The following ADAMTS9 variants were observed in gnomAD, a reference collection of about 807,000 sequenced individuals.
The protein encoded by ADAMTS9 is A disintegrin and metalloproteinase with thrombospondin motifs 9.
In ADAMTS9, 107 loss-of-function variants were observed where a neutral mutation model predicts 257.1. The observed-to-expected ratio is 0.42, with a 90% CI of 0.36 to 0.49. The LOEUF is 0.49. ADAMTS9 is among the 20% of genes least tolerant of loss of function. ADAMTS9 has a pLI of 0.03. For synonymous variants in ADAMTS9, 982 were observed against 880.9 expected (o/e 1.11, Z -2.03); for missense variants, 2,353 against 2,469.1 (o/e 0.95, Z 1.00).
intron 30 of ADAMTS9, among the ~76,000 whole-genome samples, chr3:64,560,515 G>A (rs759246460): frequency 6.6e-6 from 1 of 152,166 alleles, no homozygotes; most frequent in Non-Finnish European, 1.5e-5. Context: ...AACAAGCTTA[G>A]CATGAAGTCT....
At chr3:64,678,537 T>C (rs921866582) in intron 3 of ADAMTS9, among the ~76,000 whole-genome samples, 2 of 152,204 alleles carry the variant, frequency 1.3e-5, no homozygotes, top group Non-Finnish European at 2.9e-5. Context: ...GAATCTGCAT[T>C]TGTATGAGGC....
At chr3:64,646,877 C>G (rs775560230) in intron 11 of ADAMTS9, among the ~76,000 whole-genome samples, 4 of 151,998 alleles carry the variant, frequency 2.6e-5, no homozygotes, top group Non-Finnish European at 4.4e-5. Flanking sequence ...ACCAAATGAT[C>G]TGAGTGACTG....
chr3:64,623,228 G>A (rs1700149592), intron 16 of ADAMTS9, among the ~76,000 whole-genome samples: 1 of 152,174 alleles, frequency 6.6e-6, no homozygotes, highest in Admixed American at 6.5e-5. Context: ...CTAGGACAAT[G>A]CAGAAACAAC....
chr3:64,572,341 A>G (rs961040861), intron 28 of ADAMTS9, among the ~76,000 whole-genome samples: 3 of 152,162 alleles, frequency 2.0e-5, no homozygotes, highest in Non-Finnish European at 4.4e-5. Context: ...CTTGCATTTC[A>G]ATTCATCTGG....
At position 64,631,479 on chromosome 3, in the gene ADAMTS9, C is replaced by T; in HGVS notation, c.2365G>A (p.Glu789Lys). The change falls in exon 16 of 40, where the codon GAA becomes AAA. Residue 789 changes from glutamate (E) to lysine (K), a missense_variant. Physicochemically the swap from Glu to Lys is moderately conservative, Grantham distance 56. Coordinates refer to ENST00000498707, the MANE Select transcript of ADAMTS9 (RefSeq NM_182920.2). ...CCTAAGTAGTTGTCATCGTCTGTTTCCCCTGAGAAACTGTGCTGCCGCACA... is the reference window on the plus strand; with the variant it reads ...CCTAAGTAGTTGTCATCGTCTGTTTTCCCTGAGAAACTGTGCTGCCGCACA... ...IDVRQHSFSG[E>K]TDDDNYLALS... is the part of the protein sequence containing the mutation. The T allele has an allele frequency of 6.2e-7, 1 of 1,614,084 alleles. No individual in the cohort carries two copies. Among genetic ancestry groups the T allele is most frequent in the South Asian group, 1.1e-5 (1 of 91,092 alleles).
intron 3 of ADAMTS9, among the ~76,000 whole-genome samples, chr3:64,664,535 C>G (rs1219130412): frequency 6.6e-6 from 1 of 152,096 alleles, no homozygotes; most frequent in Admixed American, 6.5e-5. Context: ...AATATGTGGC[C>G]TTCTGTGACT....
At position 64,649,631 on chromosome 3, in the gene ADAMTS9, A is replaced by G. The variant is rs1309070612; in HGVS notation, c.1605+6T>C. On this transcript the variant is annotated splice_donor_region_variant and intron_variant, in intron 10 of 39. Transcript: ENST00000498707. The stretch of plus-strand genomic sequence containing the variant: ...ATGAGGGCAGAAGTGGCCCTCCTAC[A>G]CTTACCATATATGGGCACACCTGAG... The G allele has an allele frequency of 1.2e-6, 2 of 1,611,344 alleles. No individual in the cohort carries two copies. The highest frequency in any genetic ancestry group is 1.1e-5 in the South Asian group (1 of 90,496).
At position 64,588,210 on chromosome 3, in the gene ADAMTS9, T is replaced by C. The variant is rs561329336; in HGVS notation, c.4356+6048A>G. 7.2e-5 allele frequency: 11 copies of C among 152,274 alleles called. No homozygotes were observed. The East Asian group carries it at 2.1e-3, about 29-fold the overall frequency. The allele number at this position is 152,274 out of a possible 1,614,324, so 9.4% of individuals were successfully genotyped here. ...TGAAGGTACCTACCCTAATAGCAAG[T>C]TGTATTTTTATTTTTATGGTGGTGG... On this transcript the variant is annotated intron_variant, in intron 28 of 39. Transcript: ENST00000498707.
Position 64,655,620 on chromosome 3 carries a change from G to T in ADAMTS9, c.1125C>A (p.Asn375Lys), listed in dbSNP as rs746618862. Reference sequence around the variant, plus strand: ...TATCATGATGGATTCCACCTGGACTGTTCTTCGAATGCTGCCACTGGCAAA... The same window carrying T: ...TATCATGATGGATTCCACCTGGACTTTTCTTCGAATGCTGCCACTGGCAAA... ...KNFCQWQHSKNSPGGIHHDTA... is the reference protein window; with the variant it reads ...KNFCQWQHSKKSPGGIHHDTA... Residue 375 changes from asparagine to lysine, a missense_variant, in exon 6 of 40, where the codon AAC becomes AAA. Around this residue, in one of 3 missense-constraint regions of ADAMTS9, gnomAD observed 591 missense variants for 569.6 expected, o/e 1.04. Coordinates refer to ENST00000498707, the MANE Select transcript of ADAMTS9 (RefSeq NM_182920.2). The T allele has an allele frequency of 1.9e-6, 3 of 1,614,154 alleles. No homozygotes were observed. Among genetic ancestry groups the T allele is most frequent in the Non-Finnish European group, 1.7e-6 (2 of 1,180,010 alleles).
At chr3:64,659,675 G>T (rs1701178786) in intron 3 of ADAMTS9, among the ~76,000 whole-genome samples, 2 of 152,014 alleles carry the variant, frequency 1.3e-5, no homozygotes, top group African/African-American at 4.8e-5. Flanking sequence ...CAATGTCTCT[G>T]AATTTTTAAT....
intron 30 of ADAMTS9, among the ~76,000 whole-genome samples, chr3:64,557,811 C>T (rs757922992): frequency 6.6e-6 from 1 of 152,204 alleles, no homozygotes; most frequent in Non-Finnish European, 1.5e-5. Flanking sequence ...TTGCCTACAA[C>T]ATGTTGTTTC....
intron 3 of ADAMTS9, among the ~76,000 whole-genome samples, chr3:64,660,783 A>T (rs1449399611): frequency 6.6e-6 from 1 of 152,184 alleles, no homozygotes; most frequent in Admixed American, 6.5e-5. Flanking sequence ...TCTTCCTTTA[A>T]GCGAAAAGGT....
chr3:64,650,857 T>C, intron 9 of ADAMTS9, 160 bp downstream of exon 9: 1 of 706,214 alleles, frequency 1.4e-6, no homozygotes, highest in Non-Finnish European at 2.2e-6. Flanking sequence ...ACTACACAGA[T>C]GTCAGAGAGC....
At chr3:64,613,087 C>T (rs1050548698) in intron 22 of ADAMTS9, among the ~76,000 whole-genome samples, 4 of 152,086 alleles carry the variant, frequency 2.6e-5, no homozygotes, top group South Asian at 2.1e-4. Flanking sequence ...TTCAAACACT[C>T]GTCTGCTCAA....
At chr3:64,681,625 C>T (rs1010032781) in intron 2 of ADAMTS9, among the ~76,000 whole-genome samples, 1 of 152,120 alleles carries the variant, frequency 6.6e-6, no homozygotes, top group African/African-American at 2.4e-5. Context: ...TCTCACCCAG[C>T]CTTGAACTCC....
At chr3:64,622,093 A>T in intron 18 of ADAMTS9, 105 bp downstream of exon 18, 2 of 1,200,094 alleles carry the variant, frequency 1.7e-6, no homozygotes, top group Non-Finnish European at 2.3e-6. Context: ...GAACGTATGC[A>T]GATAGAAGGG....
chr3:64,601,297 A>G (rs1390507470), intron 26 of ADAMTS9, among the ~76,000 whole-genome samples: 2 of 152,160 alleles, frequency 1.3e-5, no homozygotes, highest in Admixed American at 1.3e-4. Context: ...TGTTATCCTC[A>G]TTTTACAGAT....
intron 3 of ADAMTS9, among the ~76,000 whole-genome samples, chr3:64,680,471 G>T (rs1389636150): frequency 6.6e-6 from 1 of 152,200 alleles, no homozygotes; most frequent in African/African-American, 2.4e-5. Flanking sequence ...TTCTGAGGCA[G>T]TGAAGTGTTG....
intron 39 of ADAMTS9, among the ~76,000 whole-genome samples, chr3:64,518,900 C>T (rs1403974313): frequency 6.6e-6 from 1 of 151,264 alleles, no homozygotes; most frequent in Non-Finnish European, 1.5e-5. Flanking sequence ...GCCTCAGGCT[C>T]CCAAGTAGCT....
Sources: gnomAD v4.1 joint callset for allele counts (sites outside exome capture counted in the v4.1 genomes callset) on GRCh38, gnomAD v4.1.1 for gene constraint, gnomAD v4.1.1 regional missense constraint, MANE v1.5 for transcripts, NCBI Gene and HGNC (gene_info 2026-07-23, HGNC 2026-07-21) for gene names.